The following PTPRN2 variants were observed in gnomAD, a reference collection of about 807,000 sequenced individuals.
PTPRN2 encodes the protein receptor-type tyrosine-protein phosphatase N2.
PTPRN2 carries 74 observed loss-of-function variants against 118.8 expected under a neutral mutation model. That is an observed-to-expected ratio of 0.62 (90% CI 0.52 to 0.76). PTPRN2 has a LOEUF of 0.76. Among genes scored for constraint, PTPRN2 ranks in the 30% least tolerant of loss-of-function variants. The pLI is 0.00. For missense variants in PTPRN2, 1,481 were observed against 1,394.4 expected (o/e 1.06, Z -0.99); for synonymous variants, 641 against 608.0 (o/e 1.05, Z -0.80).
intron 3 of PTPRN2, among the ~76,000 whole-genome samples, chr7:158,285,884 G>C (rs1158129370): frequency 6.6e-6 from 1 of 152,106 alleles, no homozygotes; most frequent in African/African-American, 2.4e-5. Flanking sequence ...GACACCAAAG[G>C]TTTCACAGAG....
intron 17 of PTPRN2, among the ~76,000 whole-genome samples, chr7:157,581,379 C>G (rs920582699): frequency 6.6e-6 from 1 of 152,232 alleles, no homozygotes; most frequent in Non-Finnish European, 1.5e-5. Flanking sequence ...TGTGCCAGCT[C>G]TGTGGGCCTG....
chr7:158,182,384 G>C (rs73516580), intron 5 of PTPRN2, among the ~76,000 whole-genome samples: 1 of 151,994 alleles, frequency 6.6e-6, no homozygotes, highest in South Asian at 2.1e-4. Context: ...CGGGATACAC[G>C]TGCAGAACAT....
rs944616304 is a variant in PTPRN2, at chr7:157,620,198, T to G, written c.2344+1164A>C. On this transcript the variant is annotated intron_variant, in intron 15 of 22. Transcript: ENST00000389418. ...CTAGGACCCCCTTCCTCCTGGCGGGTGGGTTTATAACCAATCAAAGTGTGG... is the reference window on the plus strand; with the variant it reads ...CTAGGACCCCCTTCCTCCTGGCGGGGGGGTTTATAACCAATCAAAGTGTGG... Among the ~76,000 whole-genome samples, 683 of 152,154 alleles carry G rather than the reference T, an allele frequency of 4.5e-3. 5 individuals carry two copies. The highest frequency in any genetic ancestry group is 0.016 in the African/African-American group (645 of 41,524).
intron 1 of PTPRN2, among the ~76,000 whole-genome samples, chr7:158,498,807 C>A (rs1182285636): frequency 6.6e-6 from 1 of 152,192 alleles, no homozygotes; most frequent in Non-Finnish European, 1.5e-5. Flanking sequence ...AGAACTTCAA[C>A]CGGTAACTCT....
Position 158,507,850 on chromosome 7 carries a change from C to A in PTPRN2, c.113-18065G>T, listed in dbSNP as rs2129446809. Among the ~76,000 whole-genome samples, 3 of 146,460 alleles carry A rather than the reference C, an allele frequency of 2.0e-5. No individual in the cohort carries two copies. The Admixed American group carries it at 2.1e-4, about 10-fold the overall frequency. On this transcript the variant is annotated intron_variant, in intron 1 of 22. Transcript: ENST00000389418. ...CCGCATGCACGGAGGTCAGTGAGGA[C>A]TGCCCAGGGGATAGCGCTGCAGTGT...
At chr7:158,114,723 C>T (rs1169232122) in intron 9 of PTPRN2, among the ~76,000 whole-genome samples, 1 of 152,218 alleles carries the variant, frequency 6.6e-6, no homozygotes, top group East Asian at 1.9e-4. Context: ...CTGGGGCCTA[C>T]ATGGGAGCCT....
At chr7:157,995,919 C>G (rs1013994195) in intron 11 of PTPRN2, among the ~76,000 whole-genome samples, 3 of 152,214 alleles carry the variant, frequency 2.0e-5, no homozygotes, top group African/African-American at 7.2e-5. Flanking sequence ...CGTGGTGTGT[C>G]CACACAATGG....
At chr7:158,432,309 T>G (rs997435853) in intron 2 of PTPRN2, among the ~76,000 whole-genome samples, 25 of 152,222 alleles carry the variant, frequency 1.6e-4, no homozygotes, top group Non-Finnish European at 1.5e-4. Context: ...GATCCCAGGC[T>G]CCTTCCCTGA....
chr7:158,441,046 T>TGGG (rs1554503186), intron 2 of PTPRN2, among the ~76,000 whole-genome samples: 2 of 136,716 alleles, frequency 1.5e-5, no homozygotes, highest in East Asian at 2.2e-4. Context: ...GTAGTAGTGA[T>TGGG]GGTGGTAGTG....
chr7:158,457,344 G>T (rs562077962), intron 2 of PTPRN2, among the ~76,000 whole-genome samples: 4 of 152,182 alleles, frequency 2.6e-5, no homozygotes, highest in Admixed American at 2.0e-4. Flanking sequence ...TCAGCATCTC[G>T]GGTGCAATGT....
intron 4 of PTPRN2, among the ~76,000 whole-genome samples, chr7:158,194,442 C>T (rs1223535284): frequency 6.6e-6 from 1 of 152,222 alleles, no homozygotes; most frequent in Non-Finnish European, 1.5e-5. Context: ...GTGAACCTGC[C>T]GCCCTCAGCA....
At chr7:157,828,530 C>T (rs965561758) in intron 12 of PTPRN2, among the ~76,000 whole-genome samples, 1 of 152,142 alleles carries the variant, frequency 6.6e-6, no homozygotes, top group African/African-American at 2.4e-5. Flanking sequence ...CAGCTCACAG[C>T]AAGACCCTGA....
At chr7:158,193,235 C>A (rs1049048103) in intron 4 of PTPRN2, among the ~76,000 whole-genome samples, 3 of 152,218 alleles carry the variant, frequency 2.0e-5, no homozygotes, top group Admixed American at 6.5e-5. Flanking sequence ...GGCCAAGAAC[C>A]AGGCACGGCT....
At chr7:157,573,757 G>C (rs113220944) in intron 19 of PTPRN2, among the ~76,000 whole-genome samples, 1 of 152,212 alleles carries the variant, frequency 6.6e-6, no homozygotes, top group East Asian at 1.9e-4. Flanking sequence ...CCCCACTCCC[G>C]AAACTCCTGT....
chr7:158,178,520 A>T (rs753342689), intron 5 of PTPRN2, among the ~76,000 whole-genome samples: 2 of 151,408 alleles, frequency 1.3e-5, no homozygotes, highest in Non-Finnish European at 2.9e-5. Flanking sequence ...TGGCTGCAAG[A>T]GACATTATTA....
intron 9 of PTPRN2, among the ~76,000 whole-genome samples, chr7:158,126,752 T>C (rs1817720675): frequency 6.6e-6 from 1 of 152,144 alleles, no homozygotes; most frequent in South Asian, 2.1e-4. Flanking sequence ...GGGTTTCACA[T>C]TTCACATCTC....
intron 3 of PTPRN2, among the ~76,000 whole-genome samples, chr7:158,221,329 T>G (rs1252485812): frequency 6.7e-6 from 1 of 149,920 alleles, no homozygotes; most frequent in Non-Finnish European, 1.5e-5. Flanking sequence ...TGATGACATC[T>G]CCAAAAGCAA....
intron 9 of PTPRN2, among the ~76,000 whole-genome samples, chr7:158,119,427 G>A (rs1816970310): frequency 6.6e-6 from 1 of 152,140 alleles, no homozygotes; most frequent in Admixed American, 6.5e-5. Context: ...GTGCCTTGTT[G>A]GTGAGAATGT....
intron 14 of PTPRN2, among the ~76,000 whole-genome samples, chr7:157,630,390 A>G (rs1049140814): frequency 6.6e-6 from 1 of 152,212 alleles, no homozygotes; most frequent in Non-Finnish European, 1.5e-5. Flanking sequence ...TGAAACAGGA[A>G]TCCCGACCCA....
Sources: gnomAD v4.1 joint callset for allele counts (sites outside exome capture counted in the v4.1 genomes callset) on GRCh38, gnomAD v4.1.1 for gene constraint, MANE v1.5 for transcripts, NCBI Gene and HGNC (gene_info 2026-07-23, HGNC 2026-07-21) for gene names.